Variants in NEXMIF observed in about 807,000 individuals in gnomAD.
NEXMIF encodes XLMR protein related to neurite extension.
Under a neutral mutation model 62.1 loss-of-function variants are expected in NEXMIF, and 8 were observed. The observed-to-expected ratio is 0.13, with a 90% confidence interval of 0.08 to 0.23. The LOEUF (loss-of-function observed/expected upper bound fraction) is 0.23, where lower values mean the gene tolerates loss of function less well. NEXMIF is among the 10% of genes least tolerant of loss of function. The pLI is 1.00. For missense variants in NEXMIF, 976 were observed against 1,113.3 expected, an observed-to-expected ratio of 0.88 and a Z score of 1.75; for synonymous variants, 404 against 416.6, an observed-to-expected ratio of 0.97 and a Z score of 0.37.
chrX:74,776,473 C>T (rs1017606546), intron 1 of NEXMIF, among the ~76,000 whole-genome samples: 2 of 111,042 alleles, frequency 1.8e-5, no homozygotes, highest in African/African-American at 6.6e-5. Flanking sequence ...CGCCTGTAAT[C>T]CCAGCACGTT....
chrX:74,865,980 G>A (rs1285255127), intron 1 of NEXMIF, among the ~76,000 whole-genome samples: 1 of 111,571 alleles, frequency 9.0e-6, no homozygotes, highest in Non-Finnish European at 1.9e-5. Flanking sequence ...TGGGGTGGAA[G>A]TCCCCACACA....
intron 1 of NEXMIF, among the ~76,000 whole-genome samples, chrX:74,817,497 A>C (rs2080379820): frequency 8.9e-6 from 1 of 112,129 alleles, no homozygotes; most frequent in Non-Finnish European, 1.9e-5. Context: ...GACCTTAATA[A>C]TCATCTAAAC....
In NEXMIF at chrX:74,743,048, T is replaced by C; in HGVS notation, c.1509A>G (p.Lys503=). The C allele has an allele frequency of 8.3e-7, 1 of 1,210,666 alleles. No individual in the cohort carries two copies. Among genetic ancestry groups the C allele is most frequent in the Non-Finnish European group, 1.1e-6 (1 of 894,739 alleles). The change falls in exon 3 of 4, where the codon AAA becomes AAG. Residue 503 remains lysine (K), a synonymous_variant. Transcript: ENST00000055682. ...LYDVDSLEGE[K]VNERKEWLPV... is the part of the protein sequence containing the mutation. ...GCAGCCATTCCTTCCTCTCATTTAC[T>C]TTTTCACCCTCTAGTGAGTCAACAT...
At chrX:74,791,716 G>T (rs1280811127) in intron 1 of NEXMIF, among the ~76,000 whole-genome samples, 23 of 110,243 alleles carry the variant, frequency 2.1e-4, no homozygotes, top group African/African-American at 7.2e-4. Flanking sequence ...GAGAGTGTAT[G>T]TGACGAGGAA....
chrX:74,887,400 A>G (rs2080699504), intron 1 of NEXMIF, among the ~76,000 whole-genome samples: 1 of 111,770 alleles, frequency 8.9e-6, no homozygotes, highest in Admixed American at 9.5e-5. Context: ...CAACCTACTC[A>G]TCTGACAAAG....
intron 1 of NEXMIF, among the ~76,000 whole-genome samples, chrX:74,841,954 T>C (rs1350532819): frequency 6.3e-5 from 7 of 111,521 alleles, no homozygotes; most frequent in Non-Finnish European, 1.3e-4. Context: ...TGCTGTTGTG[T>C]CTCCGCCAGG....
intron 1 of NEXMIF, among the ~76,000 whole-genome samples, chrX:74,814,366 G>A (rs892438807): frequency 1.8e-5 from 2 of 111,976 alleles, no homozygotes; most frequent in African/African-American, 3.2e-5. Flanking sequence ...ACTCTATAAG[G>A]AATATAAAGT....
intron 1 of NEXMIF, among the ~76,000 whole-genome samples, chrX:74,887,563 C>T (rs1232861406): frequency 2.7e-5 from 3 of 111,885 alleles, no homozygotes; most frequent in Non-Finnish European, 5.6e-5. Flanking sequence ...TCATCACTGG[C>T]CATCAGAGAA....
intron 1 of NEXMIF, among the ~76,000 whole-genome samples, chrX:74,906,064 G>GT (rs2080767986): frequency 9.1e-6 from 1 of 109,582 alleles, no homozygotes; most frequent in Admixed American, 9.8e-5. Flanking sequence ...GAGCCTAGGA[G>GT]TTTAAGACCA....
chrX:74,917,141 A>G (rs1310033642), intron 1 of NEXMIF, among the ~76,000 whole-genome samples: 1 of 111,587 alleles, frequency 9.0e-6, no homozygotes, highest in Non-Finnish European at 1.9e-5. Context: ...GTAATCCCCA[A>G]TGTTGGAGGA....
rs761389526 is a variant in NEXMIF, at chrX:74,741,805, C to A, written c.2752G>T (p.Ala918Ser). Reference protein sequence around the residue: ...IAPTQSSEFGASQVVSMENNL... With the variant: ...IAPTQSSEFGSSQVVSMENNL... ...TTTTCCATGGAGACTACTTGGGAGG[C>A]TCCAAATTCACTGGATTGGGTTGGG... The change falls in exon 3 of 4, where the codon GCC (alanine) becomes TCC (serine). Residue 918 changes from alanine (A) to serine (S), a missense_variant. By Grantham distance (99) the Ala-to-Ser change is moderately conservative. Coordinates refer to ENST00000055682, the MANE Select transcript of NEXMIF (RefSeq NM_001008537.3). The A allele has an allele frequency of 1.7e-5, 20 of 1,210,560 alleles. No individual in the cohort carries two copies. The South Asian group carries it at 3.3e-4, about 20-fold the overall frequency.
At chrX:74,902,617 G>A (rs1202856367) in intron 1 of NEXMIF, among the ~76,000 whole-genome samples, 3 of 110,801 alleles carry the variant, frequency 2.7e-5, no homozygotes, top group Admixed American at 1.9e-4. Flanking sequence ...TTCCAGTGAG[G>A]ACTGCAATCT....
intron 1 of NEXMIF, 76 bp downstream of exon 1, chrX:74,924,807 C>G (rs1187968495): frequency 8.8e-6 from 1 of 114,191 alleles, no homozygotes; most frequent in Non-Finnish European, 1.9e-5. Context: ...CATTCCACCC[C>G]CTGCGGCCGC....
chrX:74,876,086 G>A (rs1188162282), intron 1 of NEXMIF, among the ~76,000 whole-genome samples: 1 of 110,540 alleles, frequency 9.0e-6, no homozygotes, highest in African/African-American at 3.3e-5. Flanking sequence ...TGATGTTAGG[G>A]TGTCAATTTT....
chrX:74,865,421 T>C (rs1314716001), intron 1 of NEXMIF, among the ~76,000 whole-genome samples: 1 of 111,812 alleles, frequency 8.9e-6, no homozygotes, highest in South Asian at 3.8e-4. Flanking sequence ...GCAGAAGAAA[T>C]TTCTAATCTG....
chrX:74,766,248 T>A (rs2080194587), intron 1 of NEXMIF, among the ~76,000 whole-genome samples: 2 of 111,048 alleles, frequency 1.8e-5, no homozygotes, highest in African/African-American at 6.6e-5. Context: ...TTGCAGGGAT[T>A]GTCTGTAGTT....
intron 1 of NEXMIF, among the ~76,000 whole-genome samples, chrX:74,781,490 GAAGCCTTAGGTGTATGTGA>G (rs1377341390): frequency 9.5e-6 from 1 of 105,205 alleles, no homozygotes; most frequent in South Asian, 4.0e-4. Context: ...AGGTGTATGT[GAAGCCTTAGGTGTATGTGA>G]AAGCCTTAGG....
chrX:74,910,961 C>G (rs2080787341), intron 1 of NEXMIF, among the ~76,000 whole-genome samples: 1 of 111,824 alleles, frequency 8.9e-6, no homozygotes. Flanking sequence ...TTTTTCTTCC[C>G]AGGTATGTCT....
intron 1 of NEXMIF, among the ~76,000 whole-genome samples, chrX:74,889,951 T>C (rs2080711614): frequency 1.1e-5 from 1 of 91,174 alleles, no homozygotes; most frequent in Admixed American, 1.2e-4. Context: ...TAACCTAATC[T>C]GTCTCTCTCT....
Sources: allele counts gnomAD v4.1 joint callset (sites outside exome capture counted in the v4.1 genomes callset), GRCh38; gene constraint gnomAD v4.1.1; transcripts MANE v1.5; gene names NCBI Gene and HGNC (gene_info 2026-07-23, HGNC 2026-07-21).